TMCC3: variants seen among roughly 807,000 people sequenced by gnomAD.
The protein encoded by TMCC3 is transmembrane and coiled-coil domain family 3.
Under a neutral mutation model 40.2 loss-of-function variants are expected in TMCC3, and 28 were observed. The ratio of observed to expected loss-of-function variants is 0.70; its 90% confidence interval spans 0.52 to 0.95. TMCC3 has a LOEUF of 0.95. Ranked by LOEUF, TMCC3 falls within the 40% of genes least tolerant of loss-of-function variation. TMCC3 has a pLI of 0.00. For synonymous variants in TMCC3, 255 were observed against 248.5 expected (o/e 1.03, Z -0.25); for missense variants, 554 against 615.2 (o/e 0.90, Z 1.05).
At chr12:94,647,351 G>C (rs2138890738) in intron 1 of TMCC3, among the ~76,000 whole-genome samples, 1 of 152,288 alleles carries the variant, frequency 6.6e-6, no homozygotes, top group African/African-American at 2.4e-5. Flanking sequence ...AGAGTACACT[G>C]CCTCATTATT....
chr12:94,630,260 A>G (rs1269602391), intron 1 of TMCC3, among the ~76,000 whole-genome samples: 2 of 148,124 alleles, frequency 1.4e-5, no homozygotes, highest in Non-Finnish European at 1.5e-5. Flanking sequence ...CTGTCCCAAA[A>G]AAAAAAAAAA....
Position 94,571,310 on chromosome 12 carries a change from C to A in TMCC3, c.*125G>T, listed in dbSNP as rs762708004. The A allele has an allele frequency of 1.0e-6, 1 of 974,712 alleles. No homozygotes were observed. Among genetic ancestry groups the A allele is most frequent in the South Asian group, 1.7e-5 (1 of 59,746 alleles). The allele number at this position is 974,712 out of a possible 1,614,324, so 60.4% of individuals were successfully genotyped here. A position where few individuals can be genotyped will look rare whatever the true frequency, so the allele number is the denominator to read the frequency against. On this transcript the variant is annotated 3_prime_UTR_variant, in exon 4 of 4. Transcript: ENST00000261226. ...GTTAAGAGAATTGTAGTTATTTACACCACACAGTCCTAGTTTTTCTTACAC... is the reference window on the plus strand; with the variant it reads ...GTTAAGAGAATTGTAGTTATTTACAACACACAGTCCTAGTTTTTCTTACAC...
chr12:94,587,208 C>T (rs1365086930), intron 1 of TMCC3, among the ~76,000 whole-genome samples: 1 of 152,210 alleles, frequency 6.6e-6, no homozygotes, highest in African/African-American at 2.4e-5. Context: ...TTCTGGTTAT[C>T]TAGACTCAGT....
Position 94,581,953 on chromosome 12 carries a change from G to A in TMCC3, c.664C>T (p.His222Tyr), listed in dbSNP as rs1338119943. 2 of 1,614,220 alleles carry A rather than the reference G, an allele frequency of 1.2e-6. No homozygotes were observed. The highest frequency in any genetic ancestry group is 3.3e-5 in the Admixed American group (2 of 60,032). The change falls in exon 2 of 4, where the codon CAC becomes TAC. Residue 222 changes from histidine to tyrosine, a missense_variant. Transcript: ENST00000261226. ...AACTCCTCTAAGGAATTTTTCAAGT[G>A]AGCAATGTTGTCGGCGCTGCCAAAC... ...NKFGSADNIA[H>Y]LKNSLEEFRP...
chr12:94,608,744 A>G (rs79406032), intron 1 of TMCC3, among the ~76,000 whole-genome samples: 9,206 of 152,196 alleles, frequency 0.06, 596 homozygotes, highest in African/African-American at 0.16. Context: ...GCTCAAGCAG[A>G]GCATGCCAAG....
chr12:94,622,820 T>TAAAA (rs35944737), intron 1 of TMCC3, among the ~76,000 whole-genome samples: 1 of 144,444 alleles, frequency 6.9e-6, no homozygotes, highest in Admixed American at 6.9e-5. Flanking sequence ...AGCTCTTTCT[T>TAAAA]AAAAAAAAAA....
chr12:94,576,398 C>T (rs536272848), intron 3 of TMCC3, among the ~76,000 whole-genome samples: 37 of 152,338 alleles, frequency 2.4e-4, no homozygotes, highest in Admixed American at 9.8e-4. Context: ...CTTGGACTTA[C>T]AGCCTTCAGC....
chr12:94,571,552 C>T lies in TMCC3; in HGVS notation c.1317G>A (p.Met439Ile). The T allele has an allele frequency of 1.2e-6, 2 of 1,614,172 alleles. No homozygotes were observed. The highest frequency in any genetic ancestry group is 1.7e-6 in the Non-Finnish European group (2 of 1,180,030). ...CAAGAATGTGGCAGCGACTCTTCATCATGGGTGAGACGAACTTCGCGATGG... is the reference window on the plus strand; with the variant it reads ...CAAGAATGTGGCAGCGACTCTTCATTATGGGTGAGACGAACTTCGCGATGG... ...VSTIAKFVSP[M>I]MKSRCHILGT... Residue 439 changes from methionine to isoleucine, a missense_variant, in exon 4 of 4, where the codon ATG becomes ATA. Met to Ile is a conservative substitution (Grantham distance 10). Transcript: ENST00000261226.
intron 3 of TMCC3, among the ~76,000 whole-genome samples, chr12:94,573,233 C>T (rs2068544067): frequency 6.6e-6 from 1 of 152,036 alleles, no homozygotes; most frequent in Non-Finnish European, 1.5e-5. Context: ...CAACCCGTCG[C>T]CCAGCCACGG....
At chr12:94,588,272 G>A (rs1381923546) in intron 1 of TMCC3, among the ~76,000 whole-genome samples, 4 of 152,104 alleles carry the variant, frequency 2.6e-5, no homozygotes. Flanking sequence ...AAAAGGAAGG[G>A]TACCAACACA....
intron 2 of TMCC3, among the ~76,000 whole-genome samples, chr12:94,579,975 T>C (rs2068590413): frequency 6.6e-6 from 1 of 152,238 alleles, no homozygotes; most frequent in Non-Finnish European, 1.5e-5. Flanking sequence ...AATATAATTC[T>C]TGTGTGACAA....
chr12:94,619,027 T>C (rs922057743), intron 1 of TMCC3, among the ~76,000 whole-genome samples: 4 of 152,200 alleles, frequency 2.6e-5, no homozygotes, highest in African/African-American at 9.7e-5. Flanking sequence ...ACTTGAGTTA[T>C]TCCTCAGACA....
chr12:94,626,106 G>A (rs1352554244), intron 1 of TMCC3, among the ~76,000 whole-genome samples: 1 of 152,198 alleles, frequency 6.6e-6, no homozygotes. Context: ...AGGCAAGAGA[G>A]AACGCATGTG....
intron 1 of TMCC3, chr12:94,590,918 T>C: frequency 1.7e-6 from 1 of 585,770 alleles, no homozygotes; most frequent in Non-Finnish European, 3.4e-6. Flanking sequence ...TATGTGAAAA[T>C]GAGAAATGAC....
At chr12:94,640,469 C>T (rs2068983596) in intron 1 of TMCC3, among the ~76,000 whole-genome samples, 1 of 152,206 alleles carries the variant, frequency 6.6e-6, no homozygotes, top group Non-Finnish European at 1.5e-5. Context: ...CAGGCGTGAG[C>T]CACCACACCC....
chr12:94,599,312 C>A (rs763228560), intron 1 of TMCC3, among the ~76,000 whole-genome samples: 2 of 152,104 alleles, frequency 1.3e-5, no homozygotes, highest in Non-Finnish European at 2.9e-5. Context: ...TCAGAAGACT[C>A]CAGAGCCAAG....
chr12:94,597,151 ATATATATGTATAT>A (rs2068721603), intron 1 of TMCC3, among the ~76,000 whole-genome samples: 4 of 18,220 alleles, frequency 2.2e-4, no homozygotes, highest in African/African-American at 3.8e-4. Context: ...ATATATATAT[ATATATATGTATAT>A]AAATTAGCCA....
chr12:94,592,733 G>A (rs2068686517), intron 1 of TMCC3, among the ~76,000 whole-genome samples: 1 of 145,504 alleles, frequency 6.9e-6, no homozygotes. Flanking sequence ...TCTGGAATTA[G>A]GGATCATTTG....
Position 94,578,165 on chromosome 12 carries a change from A to AAAAAAAAAAAAAAAAAAAAAAAAAAG in TMCC3, c.1131+228_1131+229insCTTTTTTTTTTTTTTTTTTTTTTTTT, listed in dbSNP as rs1467855760. 4.7e-4 allele frequency among the ~76,000 whole-genome samples: 58 copies of AAAAAAAAAAAAAAAAAAAAAAAAAAG among 123,326 alleles called. 1 individual carries two copies. The highest frequency in any genetic ancestry group is 6.7e-4 in the Non-Finnish European group (41 of 61,630). 80.9% of individuals were successfully genotyped at this position (123,326 alleles called of 152,430 possible). A position where few individuals can be genotyped will look rare whatever the true frequency, so the allele number is the denominator to read the frequency against. ...TCACCTCAAAAAAAAAAAAAAAAAA[A>AAAAAAAAAAAAAAAAAAAAAAAAAAG]AAAGAAAAAGAAAAAGAAAAAAAAA... On this transcript the variant is annotated intron_variant, in intron 3 of 3. Transcript: ENST00000261226.
Sources: allele counts gnomAD v4.1 joint callset (sites outside exome capture counted in the v4.1 genomes callset), GRCh38; gene constraint gnomAD v4.1.1; transcripts MANE v1.5; gene names NCBI Gene and HGNC (gene_info 2026-07-23, HGNC 2026-07-21).